CPLX2: variants seen among roughly 807,000 people sequenced by gnomAD.
The protein encoded by CPLX2 is complexin 2.
A neutral mutation model predicts 16.3 loss-of-function variants in CPLX2; 5 were observed. The observed-to-expected ratio is 0.31, with a 90% CI of 0.16 to 0.64. The LOEUF (loss-of-function observed/expected upper bound fraction) is 0.64, where lower values mean the gene tolerates loss of function less well. Among genes scored for constraint, CPLX2 ranks in the 30% least tolerant of loss-of-function variants. The pLI, the probability that CPLX2 is intolerant of heterozygous loss-of-function variation, is 0.79. For synonymous variants in CPLX2, 89 were observed against 73.2 expected (o/e 1.22, Z -1.10); for missense variants, 144 against 181.4 (o/e 0.79, Z 1.18).
At chr5:175,869,102 G>A (rs541318069), upstream of CPLX2, among the ~76,000 whole-genome samples, 11 of 152,276 alleles carry the variant, frequency 7.2e-5, no homozygotes, top group South Asian at 6.2e-4. Context: ...TAGGGCCTTC[G>A]GGAAGCATGT....
intron 2 of CPLX2, among the ~76,000 whole-genome samples, chr5:175,865,730 C>T (rs1251234662): frequency 6.6e-6 from 1 of 152,168 alleles, no homozygotes; most frequent in Non-Finnish European, 1.5e-5. Context: ...TCTATTGACC[C>T]AGGGCAAGGG....
intron 2 of CPLX2, among the ~76,000 whole-genome samples, chr5:175,859,465 C>A (rs1311325441): frequency 1.3e-5 from 2 of 152,240 alleles, no homozygotes; most frequent in African/African-American, 2.4e-5. Context: ...AGGGAAATCC[C>A]TGCTCCCAAA....
intron 1 of CPLX2, among the ~76,000 whole-genome samples, chr5:175,800,530 G>C (rs570003715): frequency 1.3e-5 from 2 of 151,676 alleles, no homozygotes; most frequent in African/African-American, 2.4e-5. Context: ...TGTGATTGCA[G>C]TCCAGACATA....
At chr5:175,808,550 G>A (rs1758255234) in intron 1 of CPLX2, among the ~76,000 whole-genome samples, 1 of 152,062 alleles carries the variant, frequency 6.6e-6, no homozygotes, top group Non-Finnish European at 1.5e-5. Context: ...GAGTATATGA[G>A]GCCAGTAGTA....
At chr5:175,869,732 T>G (rs746554479), upstream of CPLX2, among the ~76,000 whole-genome samples, 6 of 152,140 alleles carry the variant, frequency 3.9e-5, no homozygotes, top group Non-Finnish European at 8.8e-5. Context: ...TGACCTGATT[T>G]CCAGGTGCCC....
At chr5:175,870,752 A>G (rs554143229), upstream of CPLX2, among the ~76,000 whole-genome samples, 57 of 152,318 alleles carry the variant, frequency 3.7e-4, no homozygotes, top group African/African-American at 1.3e-3. Context: ...CTTCTAGAAT[A>G]AATTTTGCCA....
At chr5:175,843,206 C>G (rs940949715) in intron 2 of CPLX2, among the ~76,000 whole-genome samples, 1 of 152,206 alleles carries the variant, frequency 6.6e-6, no homozygotes, top group South Asian at 2.1e-4. Flanking sequence ...AGACAACAGG[C>G]TGGCCTGGCT....
chr5:175,829,399 TC>T (rs1349230955), intron 2 of CPLX2, among the ~76,000 whole-genome samples: 1 of 151,832 alleles, frequency 6.6e-6, no homozygotes, highest in African/African-American at 2.4e-5. Context: ...AAGGCCCCGC[TC>T]CCCCAGGAAG....
chr5:175,878,318 A>G (rs565614758), intron 1 of CPLX2: 14 of 192,650 alleles, frequency 7.3e-5, no homozygotes, highest in African/African-American at 3.0e-4. Context: ...CAAATAAGGA[A>G]ATGACGGTGG....
intron 2 of CPLX2, among the ~76,000 whole-genome samples, chr5:175,842,077 G>C (rs1758954572): frequency 6.6e-6 from 1 of 152,194 alleles, no homozygotes; most frequent in Non-Finnish European, 1.5e-5. Flanking sequence ...GATCTAAGCA[G>C]ATAATGACTG....
Position 175,880,525 on chromosome 5 carries a change from AAGGCCCAGGCTGAG to A in CPLX2, c.*487_*500del, listed in dbSNP as rs1755560769. On this transcript the variant is annotated 3_prime_UTR_variant, in exon 4 of 4. Transcript: ENST00000393745. ...GGAGTCAGGGGAAGCCTGTCCCGGG[AAGGCCCAGGCTGAG>A]AGGCCCTGGCTCTGGCCAGGCTGGG... The A allele has an allele frequency of 5.2e-6, 1 of 191,360 alleles. No homozygotes were observed. Among genetic ancestry groups the A allele is most frequent in the Non-Finnish European group, 1.1e-5 (1 of 92,078 alleles). 11.9% of individuals were successfully genotyped at this position (191,360 alleles called of 1,614,324 possible). A position where few individuals can be genotyped will look rare whatever the true frequency, so the allele number is the denominator to read the frequency against.
intron 2 of CPLX2, among the ~76,000 whole-genome samples, chr5:175,841,083 C>T (rs1758936321): frequency 6.6e-6 from 1 of 152,210 alleles, no homozygotes; most frequent in Non-Finnish European, 1.5e-5. Flanking sequence ...AAGGTAGAAA[C>T]AAGGAAAGCA....
chr5:175,861,995 C>T (rs779577706), intron 2 of CPLX2, among the ~76,000 whole-genome samples: 107 of 152,292 alleles, frequency 7.0e-4, no homozygotes, highest in Non-Finnish European at 1.2e-3. Context: ...CTTCTCTGGG[C>T]TCTGAGCCCA....
chr5:175,799,542 A>ATATATATTTT (rs1409533277), intron 1 of CPLX2, among the ~76,000 whole-genome samples: 2 of 79,200 alleles, frequency 2.5e-5, no homozygotes, highest in African/African-American at 9.6e-5. Flanking sequence ...CAAATTTCAT[A>ATATATATTTT]TATATATATA....
chr5:175,866,670 G>T (rs1759484544), upstream of CPLX2, among the ~76,000 whole-genome samples: 1 of 152,198 alleles, frequency 6.6e-6, no homozygotes, highest in South Asian at 2.1e-4. Flanking sequence ...CTGAGTTAGG[G>T]GCAGGGCTTT....
In CPLX2 at chr5:175,880,460, G is replaced by A. The variant is rs929236408; in HGVS notation, c.*415G>A. On this transcript the variant is annotated 3_prime_UTR_variant, in exon 4 of 4. Transcript: ENST00000393745. ...GCCTCTAACCCTCAGTGGGCCCCCAGGTCAGGGCAGGGGCACTGAGTGGCC... is the reference window on the plus strand; with the variant it reads ...GCCTCTAACCCTCAGTGGGCCCCCAAGTCAGGGCAGGGGCACTGAGTGGCC... 2 of 301,750 alleles carry A rather than the reference G, an allele frequency of 6.6e-6. No homozygotes were observed. Among genetic ancestry groups the A allele is most frequent in the Non-Finnish European group, 1.3e-5 (2 of 154,538 alleles). The allele number at this position is 301,750 out of a possible 1,614,324, so 18.7% of individuals were successfully genotyped here.
At position 175,834,577 on chromosome 5, in the gene CPLX2, GAA is replaced by G. The variant is rs541014812; in HGVS notation, c.-89+25512_-89+25513del. Among the ~76,000 whole-genome samples the G allele has an allele frequency of 5.9e-5, 9 of 152,220 alleles. No homozygotes were observed. The East Asian group carries it at 1.7e-3, about 29-fold the overall frequency. On this transcript the variant is annotated intron_variant, in intron 2 of 4. Transcript: ENST00000359546. Reference sequence around the variant, plus strand: ...AACCTAGGCCAGCCTGGGAAATGCAGAAAAGTTTTGTGGAGCTGGGTGTGGTG... The same window carrying G: ...AACCTAGGCCAGCCTGGGAAATGCAGAAGTTTTGTGGAGCTGGGTGTGGTG...
intron 2 of CPLX2, among the ~76,000 whole-genome samples, chr5:175,814,819 C>G (rs561690525): frequency 6.6e-6 from 1 of 152,258 alleles, no homozygotes; most frequent in South Asian, 2.1e-4. Flanking sequence ...TGCATCTCAG[C>G]CACAGCCGCT....
intron 2 of CPLX2, among the ~76,000 whole-genome samples, chr5:175,813,919 A>G (rs1758358393): frequency 1.3e-5 from 2 of 152,196 alleles, no homozygotes; most frequent in South Asian, 4.1e-4. Context: ...TTTATTTTCC[A>G]TTTATTTGTT....
Sources: allele counts gnomAD v4.1 joint callset (sites outside exome capture counted in the v4.1 genomes callset), GRCh38; gene constraint gnomAD v4.1.1; transcripts MANE v1.5; gene names NCBI Gene and HGNC (gene_info 2026-07-23, HGNC 2026-07-21).